The following KDM4B variants were observed in gnomAD, a reference collection of about 807,000 sequenced individuals.
KDM4B encodes the protein lysine demethylase 4B.
Under a neutral mutation model 125.2 loss-of-function variants are expected in KDM4B, and 32 were observed. The ratio of observed to expected loss-of-function variants is 0.26; its 90% CI spans 0.19 to 0.34. The LOEUF (loss-of-function observed/expected upper bound fraction) is 0.34, where lower values mean the gene tolerates loss of function less well. Among genes scored for constraint, KDM4B ranks in the 10% least tolerant of loss-of-function variants. KDM4B has a pLI of 1.00. For synonymous variants in KDM4B, 721 were observed against 677.9 expected (o/e 1.06, Z -0.99); for missense variants, 1,190 against 1,577.7 (o/e 0.75, Z 4.16).
intron 9 of KDM4B, among the ~76,000 whole-genome samples, chr19:5,092,398 G>T (rs1202834775): frequency 1.3e-5 from 2 of 152,186 alleles, no homozygotes; most frequent in South Asian, 2.1e-4. Context: ...TGGGTCTCCA[G>T]GCTCCCTGCG....
chr19:5,077,574 A>G, intron 8 of KDM4B, 104 bp downstream of exon 8: 1 of 954,480 alleles, frequency 1.0e-6, no homozygotes, highest in Non-Finnish European at 1.6e-6. Flanking sequence ...ACCCTGGAGA[A>G]GTTTCTAGAA....
At chr19:5,113,919 CT>C (rs2039202706) in intron 10 of KDM4B, 1 of 1,209,314 alleles carries the variant, frequency 8.3e-7, no homozygotes, top group South Asian at 1.5e-5. Context: ...TTCGGCACAG[CT>C]GCCTGAGCTC....
chr19:5,140,647 A>G (rs1392379083), intron 18 of KDM4B: 1 of 152,122 alleles, frequency 6.6e-6, no homozygotes, highest in Non-Finnish European at 1.5e-5. Context: ...AGGCGGGAGA[A>G]TTGCTTGAAC....
chr19:5,048,927 G>C (rs914265291), intron 6 of KDM4B, among the ~76,000 whole-genome samples: 24 of 152,202 alleles, frequency 1.6e-4, no homozygotes, highest in Admixed American at 2.6e-4. Context: ...CATGGGAGGT[G>C]GGGGACCAGC....
chr19:4,978,047 G>A (rs369392013), intron 1 of KDM4B, among the ~76,000 whole-genome samples: 13 of 152,208 alleles, frequency 8.5e-5, no homozygotes, highest in African/African-American at 2.9e-4. Flanking sequence ...GTCGGGCCGC[G>A]TGGATCTGAT....
At position 4,997,117 on chromosome 19, in the gene KDM4B, A is replaced by G. The variant is rs1428801641; in HGVS notation, c.-108-19140A>G. 6.6e-6 allele frequency among the ~76,000 whole-genome samples: 1 copy of G among 152,230 alleles called. No homozygotes were observed. The highest frequency in any genetic ancestry group is 1.9e-4 in the East Asian group (1 of 5,200). ...GTGACAGCCATAAATGTCCCTAGAC[A>G]TCGGAAGGCATCCTCTGGGGGCACG... On this transcript the variant is annotated intron_variant, in intron 1 of 22. Transcript: ENST00000159111. This position sits in a 1 kb window ranked among gnomAD's most constrained non-coding sequence, Gnocchi z 4.2.
At chr19:5,131,817 T>C in intron 12 of KDM4B, 70 bp from the exon 13 acceptor site, 1 of 1,598,532 alleles carries the variant, frequency 6.3e-7, no homozygotes, top group Admixed American at 1.7e-5. Context: ...CGAGCCCCTG[T>C]GTGGCTCCGA....
chr19:5,056,259 A>G (rs924757778), intron 6 of KDM4B, among the ~76,000 whole-genome samples: 4 of 152,216 alleles, frequency 2.6e-5, no homozygotes, highest in Admixed American at 6.5e-5. Context: ...AGGCGCAGCC[A>G]TCAGCGTGAT....
At chr19:5,112,427 T>G (rs981387339) in intron 10 of KDM4B, 5 of 153,010 alleles carry the variant, frequency 3.3e-5, no homozygotes, top group Non-Finnish European at 7.3e-5. Context: ...AGCCATCCAG[T>G]CTCTGCTGCC....
In KDM4B at chr19:5,070,982, C is replaced by A. The variant is rs767486298; in HGVS notation, c.627-28C>A. On this transcript the variant is annotated intron_variant, in intron 6 of 22. Coordinates refer to ENST00000159111, the MANE Select transcript of KDM4B (RefSeq NM_015015.3). Reference sequence around the variant, plus strand: ...CCTTGCGTGGCTGCCACCGATCTTGCCTCTGACGTGCCTCCCTTCTCTCGC... The same window carrying A: ...CCTTGCGTGGCTGCCACCGATCTTGACTCTGACGTGCCTCCCTTCTCTCGC... The A allele has an allele frequency of 6.2e-6, 10 of 1,613,300 alleles. No homozygotes were observed. In the East Asian group the frequency reaches 2.0e-4, roughly 32 times the overall value.
At chr19:5,052,293 C>T (rs1231141507) in intron 6 of KDM4B, among the ~76,000 whole-genome samples, 4 of 147,014 alleles carry the variant, frequency 2.7e-5, no homozygotes, top group Non-Finnish European at 6.0e-5. Context: ...TGGAGGTGTG[C>T]GTGCATGTGT....
intron 1 of KDM4B, among the ~76,000 whole-genome samples, chr19:5,008,152 C>T (rs1344926105): frequency 2.0e-5 from 3 of 152,166 alleles, no homozygotes; most frequent in Non-Finnish European, 1.5e-5. Flanking sequence ...TGGGCACTTA[C>T]ATTTAGATCT....
chr19:5,053,459 C>T (rs2037296102), intron 6 of KDM4B, among the ~76,000 whole-genome samples: 1 of 152,180 alleles, frequency 6.6e-6, no homozygotes, highest in Non-Finnish European at 1.5e-5. Flanking sequence ...CAGATCAGAC[C>T]AGTAGGGAGG....
chr19:5,136,711 C>T (rs1333378494), intron 15 of KDM4B, among the ~76,000 whole-genome samples: 1 of 152,174 alleles, frequency 6.6e-6, no homozygotes, highest in East Asian at 1.9e-4. Flanking sequence ...TTCAGTGGGC[C>T]ATCAGCACTG....
At chr19:5,095,680 A>G (rs2038806663) in intron 9 of KDM4B, among the ~76,000 whole-genome samples, 1 of 152,032 alleles carries the variant, frequency 6.6e-6, no homozygotes, top group African/African-American at 2.4e-5. Context: ...GAGGGCTGGG[A>G]GCAGCCAGGG....
intron 6 of KDM4B, among the ~76,000 whole-genome samples, chr19:5,068,575 TG>T (rs1568273180): frequency 6.6e-6 from 1 of 152,256 alleles, no homozygotes; most frequent in African/African-American, 2.4e-5. Flanking sequence ...TTCTTCCGCC[TG>T]TGTCCTTGGG....
chr19:4,990,349 CAG>C (rs1251691456), intron 1 of KDM4B, among the ~76,000 whole-genome samples: 1 of 152,194 alleles, frequency 6.6e-6, no homozygotes, highest in East Asian at 1.9e-4. Context: ...CACCCAAAAA[CAG>C]GGACTTAGAA....
intron 2 of KDM4B, among the ~76,000 whole-genome samples, chr19:5,021,269 G>T (rs1432655226): frequency 6.6e-6 from 1 of 152,102 alleles, no homozygotes; most frequent in Non-Finnish European, 1.5e-5. Context: ...GACCAGGAGG[G>T]CATCTTTTGT....
chr19:4,969,420 C>T (rs2034165176), intron 1 of KDM4B, among the ~76,000 whole-genome samples, 190 bp downstream of exon 1: 1 of 147,420 alleles, frequency 6.8e-6, no homozygotes, highest in African/African-American at 2.4e-5. Context: ...ACCGCCCGGC[C>T]CGGGGGCGCC....
Sources: allele counts gnomAD v4.1 joint callset (sites outside exome capture counted in the v4.1 genomes callset), GRCh38; gene constraint gnomAD v4.1.1; non-coding constraint Gnocchi (gnomAD v3.1); transcripts MANE v1.5; gene names NCBI Gene and HGNC (gene_info 2026-07-23, HGNC 2026-07-21).